Variants in FNIP2 observed in about 807,000 individuals in gnomAD.
FNIP2 encodes folliculin interacting protein 2, also known as folliculin-interacting protein 2.
FNIP2 carries 32 observed loss-of-function variants against 108.7 expected under a neutral mutation model. That is an observed-to-expected ratio of 0.29 (90% CI 0.22 to 0.40). FNIP2 has a LOEUF of 0.40. FNIP2 is among the 10% of genes least tolerant of loss of function. The pLI, the probability that FNIP2 is intolerant of heterozygous loss-of-function variation, is 1.00. For synonymous variants in FNIP2, 480 were observed against 496.7 expected (o/e 0.97, Z 0.45); for missense variants, 1,202 against 1,381.6 (o/e 0.87, Z 2.06).
At chr4:158,871,739 A>T (rs1210461111) in intron 14 of FNIP2, 2 of 984,700 alleles carry the variant, frequency 2.0e-6, no homozygotes, top group Non-Finnish European at 2.4e-6. Context: ...TTTTGTCCCT[A>T]TAATATCATA....
In FNIP2 at chr4:158,839,008, C is replaced by T. The variant is rs181993160; in HGVS notation, c.727+3532C>T. On this transcript the variant is annotated intron_variant, in intron 7 of 16. Coordinates refer to ENST00000264433, the MANE Select transcript of FNIP2 (RefSeq NM_020840.3). ...CATAGAAGTAAAGTGCCATTTTCGT[C>T]ACATCCTATAAGGGTATATATCACC... 3.7e-4 allele frequency among the ~76,000 whole-genome samples: 57 copies of T among 152,304 alleles called. 1 individual carries two copies. The highest frequency in any genetic ancestry group is 9.2e-4 in the Admixed American group (14 of 15,300).
rs1412105164 is a variant in FNIP2 at position 158,825,956 on chromosome 4, A to G, written c.148A>G (p.Ile50Val). 2 of 1,608,932 alleles carry G rather than the reference A, an allele frequency of 1.2e-6. No individual in the cohort carries two copies. The highest frequency in any genetic ancestry group is 8.5e-7 in the Non-Finnish European group (1 of 1,175,740). Residue 50 changes from isoleucine to valine, a missense_variant, in exon 2 of 17, where the codon ATA (isoleucine) becomes GTA (valine). By Grantham distance (29) the Ile-to-Val change is conservative. Around this residue, in one of 5 missense-constraint regions of FNIP2, gnomAD observed 173 missense variants for 165.9 expected, o/e 1.04. Coordinates refer to ENST00000264433, the MANE Select transcript of FNIP2 (RefSeq NM_020840.3). ...SEFDLNEIRL[I>V]VYQDCDRRGR... ...GTTTGACCTGAATGAGATTCGCCTG[A>G]TAGTTTACCAGGACTGTGACAGGAG...
chr4:158,806,825 C>T (rs564444661), intron 1 of FNIP2, among the ~76,000 whole-genome samples: 15 of 152,284 alleles, frequency 9.9e-5, no homozygotes, highest in African/African-American at 3.6e-4. Flanking sequence ...ACTTCATAGT[C>T]TGCGTGGCAG....
chr4:158,855,377 C>A (rs976552761), intron 8 of FNIP2, among the ~76,000 whole-genome samples: 2 of 152,100 alleles, frequency 1.3e-5, no homozygotes, highest in South Asian at 2.1e-4. Flanking sequence ...TGCAGCCAGC[C>A]CTTAATAGAG....
At chr4:158,890,351 CCCCCT>C in intron 14 of FNIP2, 1 of 984,970 alleles carries the variant, frequency 1.0e-6, no homozygotes, top group Non-Finnish European at 1.2e-6. Flanking sequence ...TCCTACTATT[CCCCCT>C]TGGATAATAG....
chr4:158,832,096 T>G lies in FNIP2; in HGVS notation c.512T>G (p.Val171Gly). ...RSPPQLMISK[V>G]FSARMGSFCG... ...CCTCCACAACTGATGATTAGTAAAG[T>G]CTTCTCTGCTAGAATGGGCAGCTTC... The change falls in exon 5 of 17, where the codon GTC becomes GGC. Residue 171 changes from valine (V) to glycine (G), a missense_variant. Physicochemically the swap from Val to Gly is moderately radical, Grantham distance 109. Around this residue, in one of 5 missense-constraint regions of FNIP2, gnomAD observed 878 missense variants for 990.3 expected, o/e 0.89. Coordinates refer to ENST00000264433, the MANE Select transcript of FNIP2 (RefSeq NM_020840.3). 6.2e-7 allele frequency: 1 copy of G among 1,613,888 alleles called. No individual in the cohort carries two copies. The highest frequency in any genetic ancestry group is 8.5e-7 in the Non-Finnish European group (1 of 1,179,806).
chr4:158,772,403 T>G (rs984797100), intron 1 of FNIP2, among the ~76,000 whole-genome samples: 7 of 152,328 alleles, frequency 4.6e-5, no homozygotes, highest in South Asian at 2.1e-4. Flanking sequence ...TGTTGTTGTT[T>G]TTTTCTCCAT....
intron 1 of FNIP2, among the ~76,000 whole-genome samples, chr4:158,816,545 G>T (rs929984361): frequency 6.6e-6 from 1 of 152,160 alleles, no homozygotes; most frequent in Non-Finnish European, 1.5e-5. Context: ...CACTTTGGGA[G>T]GCCAAAGCAG....
chr4:158,904,775 C>G lies in FNIP2; in HGVS notation c.*231C>G, dbSNP rs968876356. ...GTGAACACTTTAGGCCATTTGTTAC[C>G]CATGAATCAACAAAGAAACTGACCT... On this transcript the variant is annotated 3_prime_UTR_variant, in exon 17 of 17. Transcript: ENST00000264433. 1 of 495,236 alleles carries G rather than the reference C, an allele frequency of 2.0e-6. No individual in the cohort carries two copies. The highest frequency in any genetic ancestry group is 3.6e-6 in the Non-Finnish European group (1 of 274,358). 30.7% of individuals were successfully genotyped at this position (495,236 alleles called of 1,614,324 possible). A position where few individuals can be genotyped will look rare whatever the true frequency, so the allele number is the denominator to read the frequency against.
At chr4:158,842,708 A>C (rs564041395) in intron 7 of FNIP2, among the ~76,000 whole-genome samples, 2 of 152,262 alleles carry the variant, frequency 1.3e-5, no homozygotes, top group East Asian at 1.9e-4. Flanking sequence ...CCTTTGTATA[A>C]ATTTTTTTTA....
At chr4:158,801,497 G>C (rs1437255745) in intron 1 of FNIP2, among the ~76,000 whole-genome samples, 2 of 152,182 alleles carry the variant, frequency 1.3e-5, no homozygotes, top group Non-Finnish European at 2.9e-5. Context: ...GAATGAGCAG[G>C]GTGGGCCTGC....
chr4:158,831,709 CA>C (rs1377170545), intron 3 of FNIP2, among the ~76,000 whole-genome samples, 151 bp from the exon 4 acceptor site: 2 of 152,044 alleles, frequency 1.3e-5, no homozygotes, highest in African/African-American at 4.8e-5. Context: ...AGGCAATCGC[CA>C]TTATAAGTTA....
At chr4:158,838,393 A>G (rs1018624072) in intron 7 of FNIP2, among the ~76,000 whole-genome samples, 3 of 151,774 alleles carry the variant, frequency 2.0e-5, no homozygotes, top group Non-Finnish European at 4.4e-5. Context: ...GCTAATTTTT[A>G]TATTTTTGGT....
At chr4:158,778,768 G>A (rs921944997) in intron 1 of FNIP2, among the ~76,000 whole-genome samples, 5 of 152,274 alleles carry the variant, frequency 3.3e-5, no homozygotes, top group African/African-American at 1.2e-4. Flanking sequence ...GAAAGGTATC[G>A]CCTGTGGATA....
intron 14 of FNIP2, chr4:158,872,445 A>G: frequency 2.0e-6 from 2 of 985,354 alleles, no homozygotes; most frequent in Non-Finnish European, 2.4e-6. Flanking sequence ...GAGTGTTTTC[A>G]CACTGTAGCT....
rs1269598481 is a variant in FNIP2, at chr4:158,869,340, G to A, written c.2704G>A (p.Asp902Asn). ...SSDSALGDSD[D>N]EACASAMLDL... ...AGATAGCGCCCTGGGAGACAGTGACGACGAAGCCTGCGCTTCAGCCATGCT... is the reference window on the plus strand; with the variant it reads ...AGATAGCGCCCTGGGAGACAGTGACAACGAAGCCTGCGCTTCAGCCATGCT... Residue 902 changes from aspartate to asparagine, a missense_variant, in exon 13 of 17, where the codon GAC becomes AAC. Physicochemically the swap from Asp to Asn is conservative, Grantham distance 23. Around this residue, in one of 5 missense-constraint regions of FNIP2, gnomAD observed 878 missense variants for 990.3 expected, o/e 0.89. Transcript: ENST00000264433. 6.2e-6 allele frequency: 10 copies of A among 1,613,290 alleles called. No homozygotes were observed. Among genetic ancestry groups the A allele is most frequent in the East Asian group, 2.2e-5 (1 of 44,854 alleles).
At chr4:158,863,599 C>G (rs754982011) in intron 12 of FNIP2, among the ~76,000 whole-genome samples, 4 of 152,074 alleles carry the variant, frequency 2.6e-5, no homozygotes, top group Non-Finnish European at 5.9e-5. Flanking sequence ...TGATCGCCAC[C>G]CATTAGTGGG....
At chr4:158,892,771 A>G (rs547353222) in intron 15 of FNIP2, among the ~76,000 whole-genome samples, 2 of 152,294 alleles carry the variant, frequency 1.3e-5, no homozygotes, top group South Asian at 4.1e-4. Context: ...TCTGCAGCAC[A>G]GCCCCAAACC....
At chr4:158,819,749 A>G (rs941691343) in intron 1 of FNIP2, among the ~76,000 whole-genome samples, 14 of 152,244 alleles carry the variant, frequency 9.2e-5, no homozygotes, top group Admixed American at 5.9e-4. Context: ...TCTCATTGCT[A>G]TGTCAAGCTT....
Sources: allele counts gnomAD v4.1 joint callset (sites outside exome capture counted in the v4.1 genomes callset), GRCh38; gene constraint gnomAD v4.1.1; regional missense constraint gnomAD v4.1.1; transcripts MANE v1.5; gene names NCBI Gene and HGNC (gene_info 2026-07-23, HGNC 2026-07-21).